Variants in RNF138 observed in about 807,000 individuals in gnomAD.
RNF138 encodes E3 ubiquitin-protein ligase RNF138.
A neutral mutation model predicts 31.0 loss-of-function variants in RNF138; 12 were observed. That is an observed-to-expected ratio of 0.39 (90% CI 0.25 to 0.63). The LOEUF is 0.63. Ranked by LOEUF, RNF138 falls within the 20% of genes least tolerant of loss-of-function variation. The pLI is 0.52. For synonymous variants in RNF138, 105 were observed against 99.5 expected (o/e 1.06, Z -0.33); for missense variants, 192 against 300.1 (o/e 0.64, Z 2.66).
chr18:32,122,407 C>A (rs1348756516), intron 4 of RNF138: 1 of 152,106 alleles, frequency 6.6e-6, no homozygotes, highest in African/African-American at 2.4e-5. Flanking sequence ...AGTTTAAGTT[C>A]AACTTTTTAA....
At chr18:32,104,009 AAAACTTT>A (rs2039986609) in intron 2 of RNF138, among the ~76,000 whole-genome samples, 1 of 148,342 alleles carries the variant, frequency 6.7e-6, no homozygotes, top group African/African-American at 2.6e-5. Context: ...AATAGGCTAA[AAAACTTT>A]TTTTTTTTTT....
rs992254404 is a variant in RNF138 at position 32,107,638 on chromosome 18, A to G, written c.111-4116A>G. 7.9e-5 allele frequency among the ~76,000 whole-genome samples: 12 copies of G among 152,050 alleles called. No individual in the cohort carries two copies. In the South Asian group the frequency reaches 2.5e-3, roughly 32 times the overall value. ...CAGGTTCAAGTGATTCTCCTACCTC[A>G]GCCTCCCAAGTAGCTAGGATTACAG... On this transcript the variant is annotated intron_variant, in intron 2 of 7. Coordinates refer to ENST00000261593, the MANE Select transcript of RNF138 (RefSeq NM_016271.5).
intron 6 of RNF138, 65 bp from the exon 7 acceptor site, chr18:32,126,628 C>A (rs1385245950): frequency 2.0e-6 from 2 of 1,003,586 alleles, no homozygotes; most frequent in African/African-American, 1.6e-5. Context: ...TATTTTAATA[C>A]TGTCAATTGT....
intron 1 of RNF138, among the ~76,000 whole-genome samples, chr18:32,092,446 C>G (rs2039709064): frequency 1.3e-5 from 2 of 151,358 alleles, no homozygotes; most frequent in African/African-American, 4.9e-5. Flanking sequence ...TGGCCTAGAG[C>G]GTGAGGCCGC....
At position 32,092,790 on chromosome 18, in the gene RNF138, T is replaced by G; in HGVS notation, c.14T>G (p.Leu5Arg). 1 of 1,587,400 alleles carries G rather than the reference T, an allele frequency of 6.3e-7. No homozygotes were observed. Among genetic ancestry groups the G allele is most frequent in the Non-Finnish European group, 8.5e-7 (1 of 1,170,104 alleles). The change falls in exon 2 of 8, where the codon CTC (leucine) becomes CGC (arginine). Residue 5 changes from leucine to arginine, a missense_variant. Around this residue, in one of 2 missense-constraint regions of RNF138, gnomAD observed 52 missense variants for 48.4 expected, o/e 1.07. Coordinates refer to ENST00000261593, the MANE Select transcript of RNF138 (RefSeq NM_016271.5). Reference sequence around the variant, plus strand: ...CCATCCCCCGCCATGGCCGAGGACCTCTCTGCGGCCACGTCCTACACCGAA... The same window carrying G: ...CCATCCCCCGCCATGGCCGAGGACCGCTCTGCGGCCACGTCCTACACCGAA... MAED[L>R]SAATSYTEDD...
intron 2 of RNF138, among the ~76,000 whole-genome samples, chr18:32,103,966 GA>G (rs1298209257): frequency 1.6e-5 from 2 of 122,598 alleles, no homozygotes; most frequent in Non-Finnish European, 3.5e-5. Flanking sequence ...CTCCGTCTCA[GA>G]AAAAAAAAAG....
intron 2 of RNF138, 121 bp from the exon 3 acceptor site, chr18:32,111,633 C>A: frequency 2.6e-6 from 2 of 780,912 alleles, no homozygotes; most frequent in South Asian, 1.8e-5. Flanking sequence ...GATTTATGTA[C>A]ATATGAGTAG....
chr18:32,116,454 G>C (rs889093187), intron 4 of RNF138, among the ~76,000 whole-genome samples: 1 of 150,888 alleles, frequency 6.6e-6, no homozygotes, highest in African/African-American at 2.4e-5. Context: ...GATTGCAATG[G>C]AAGAATTGAG....
chr18:32,123,705 T>G (rs2040342102), intron 5 of RNF138, 131 bp downstream of exon 5: 1 of 545,316 alleles, frequency 1.8e-6, no homozygotes, highest in African/African-American at 2.0e-5. Flanking sequence ...CAGGCTGGAG[T>G]GCAGTGGTGC....
intron 2 of RNF138, among the ~76,000 whole-genome samples, chr18:32,110,785 C>CTT (rs879590455): frequency 3.5e-5 from 5 of 144,912 alleles, no homozygotes; most frequent in African/African-American, 1.0e-4. Flanking sequence ...AATGTTTAAT[C>CTT]TTTTTTTTTT....
rs746148870 is a variant in RNF138, at chr18:32,092,734, C to T, written c.-43C>T. 3 of 1,338,828 alleles carry T rather than the reference C, an allele frequency of 2.2e-6. No individual in the cohort carries two copies. Among genetic ancestry groups the T allele is most frequent in the Non-Finnish European group, 3.1e-6 (3 of 965,708 alleles). The allele number at this position is 1,338,828 out of a possible 1,614,324, so 82.9% of individuals were successfully genotyped here. On this transcript the variant is annotated 5_prime_UTR_variant, in exon 2 of 8. Coordinates refer to ENST00000261593, the MANE Select transcript of RNF138 (RefSeq NM_016271.5). ...CCCCGGGCCGCCACCGTCACCTCGG[C>T]CGCTGCCGCTGTCGCCATCGCCTTG...
intron 3 of RNF138, among the ~76,000 whole-genome samples, chr18:32,113,319 A>G (rs2040164084): frequency 6.6e-6 from 1 of 152,074 alleles, no homozygotes; most frequent in African/African-American, 2.4e-5. Context: ...CAGCCTCCCA[A>G]AAGGCTGGGA....
chr18:32,093,673 C>T (rs887229518), intron 2 of RNF138, among the ~76,000 whole-genome samples: 8 of 152,080 alleles, frequency 5.3e-5, no homozygotes, highest in Non-Finnish European at 7.4e-5. Context: ...GAGATGCTAC[C>T]CAGGGTGGGG....
At chr18:32,102,474 T>G (rs954845375) in intron 2 of RNF138, among the ~76,000 whole-genome samples, 2 of 152,058 alleles carry the variant, frequency 1.3e-5, no homozygotes, top group Admixed American at 6.6e-5. Context: ...GTACTGGGAT[T>G]ACAGGCGTGA....
chr18:32,113,369 T>G (rs2040165041), intron 3 of RNF138, among the ~76,000 whole-genome samples: 1 of 19,218 alleles, frequency 5.2e-5, no homozygotes, highest in Non-Finnish European at 1.1e-4. Flanking sequence ...GGAACTTAAT[T>G]TTTTTTTAAG....
chr18:32,097,350 G>A (rs1239152781), intron 2 of RNF138, among the ~76,000 whole-genome samples: 2 of 152,086 alleles, frequency 1.3e-5, no homozygotes, highest in Admixed American at 6.6e-5. Flanking sequence ...TCTGTAAGGA[G>A]GCATCTTTTA....
chr18:32,100,765 C>T (rs745611799), intron 2 of RNF138, among the ~76,000 whole-genome samples: 8 of 152,024 alleles, frequency 5.3e-5, no homozygotes, highest in Non-Finnish European at 8.8e-5. Flanking sequence ...CGTGAGCCCC[C>T]GCGCCCGGCC....
At chr18:32,107,113 T>A (rs1160683242) in intron 2 of RNF138, among the ~76,000 whole-genome samples, 10 of 139,312 alleles carry the variant, frequency 7.2e-5, no homozygotes, top group Admixed American at 5.6e-4. Flanking sequence ...CTTTCCTTTT[T>A]TCCTTTTTTT....
At chr18:32,124,498 G>T in intron 5 of RNF138, 1 of 412,576 alleles carries the variant, frequency 2.4e-6, no homozygotes, top group East Asian at 3.9e-5. Context: ...TTTTTGTTTT[G>T]GCCTAGAGGT....
Sources: allele counts gnomAD v4.1 joint callset (sites outside exome capture counted in the v4.1 genomes callset), GRCh38; gene constraint gnomAD v4.1.1; regional missense constraint gnomAD v4.1.1; transcripts MANE v1.5; gene names NCBI Gene and HGNC (gene_info 2026-07-23, HGNC 2026-07-21).